Variants in DIP2A observed in about 807,000 individuals in gnomAD.
DIP2A encodes the protein disco-interacting protein 2 homolog A.
In DIP2A, 85 loss-of-function variants were observed where a neutral mutation model predicts 177.4. The ratio of observed to expected loss-of-function variants is 0.48; its 90% CI spans 0.40 to 0.57. The LOEUF (loss-of-function observed/expected upper bound fraction) is 0.57, where lower values mean the gene tolerates loss of function less well. DIP2A is among the 20% of genes least tolerant of loss of function. DIP2A has a pLI of 0.00. For synonymous variants in DIP2A, 886 were observed against 881.8 expected (o/e 1.00, Z -0.08); for missense variants, 1,791 against 2,100.2 (o/e 0.85, Z 2.88).
intron 1 of DIP2A, among the ~76,000 whole-genome samples, chr21:46,470,474 CA>C (rs57786498): frequency 6.5e-4 from 89 of 137,220 alleles, no homozygotes; most frequent in African/African-American, 1.1e-3. Context: ...AGCTCCGTCT[CA>C]AAAAAAAAAA....
intron 18 of DIP2A, among the ~76,000 whole-genome samples, chr21:46,543,550 G>GGCACTCCCCCAGGCATGCATGCA (rs141375551): frequency 3.3e-5 from 5 of 149,260 alleles, no homozygotes; most frequent in African/African-American, 1.2e-4. Flanking sequence ...CGCTCCCCCA[G>GGCACTCCCCCAGGCATGCATGCA]GCACTCCCCC....
intron 4 of DIP2A, 87 bp downstream of exon 4, chr21:46,497,194 T>C: frequency 6.7e-7 from 1 of 1,488,876 alleles, no homozygotes. Flanking sequence ...TGAGTTGGAA[T>C]ATCCGTCTGG....
In DIP2A at chr21:46,537,660, G is replaced by A. The variant is rs771601609; in HGVS notation, c.1801+121G>A. 203 of 967,512 alleles carry A rather than the reference G, an allele frequency of 2.1e-4. 1 individual carries two copies. In the Middle Eastern group the frequency reaches 5.3e-3, roughly 25 times the overall value. The allele number at this position is 967,512 out of a possible 1,614,324, so 59.9% of individuals were successfully genotyped here. On this transcript the variant is annotated intron_variant, in intron 15 of 37. Transcript: ENST00000417564. The surrounding 1 kb of genome is among the most constrained non-coding windows in gnomAD (Gnocchi z 4.1). ...AACTGCAGATGTAGGCTGAAGAGCTGTGGGACGTCTTTCTTGGTCACACCC... is the reference window on the plus strand; with the variant it reads ...AACTGCAGATGTAGGCTGAAGAGCTATGGGACGTCTTTCTTGGTCACACCC...
Position 46,557,258 on chromosome 21 carries a change from T to C in DIP2A, c.3629+189T>C, listed in dbSNP as rs893648435. ...GAGTGAAAATACATTTTTCATTAAATACACTGTCCGTTATCAGTACTTGGG... is the reference window on the plus strand; with the variant it reads ...GAGTGAAAATACATTTTTCATTAAACACACTGTCCGTTATCAGTACTTGGG... On this transcript the variant is annotated intron_variant, in intron 30 of 37. Transcript: ENST00000417564. The surrounding 1 kb of genome is among the most constrained non-coding windows in gnomAD (Gnocchi z 6.0). 3.0e-6 allele frequency: 2 copies of C among 675,402 alleles called. No homozygotes were observed. Among genetic ancestry groups the C allele is most frequent in the Non-Finnish European group, 4.9e-6 (2 of 409,544 alleles). The allele number at this position is 675,402 out of a possible 1,614,324, so 41.8% of individuals were successfully genotyped here. A position where few individuals can be genotyped will look rare whatever the true frequency, so the allele number is the denominator to read the frequency against.
intron 7 of DIP2A, 118 bp downstream of exon 7, chr21:46,509,494 A>G (rs2058200848): frequency 1.6e-6 from 2 of 1,258,430 alleles, no homozygotes; most frequent in South Asian, 4.3e-5. Context: ...CTGTTTCCAG[A>G]CTCAGTGGTC....
intron 5 of DIP2A, among the ~76,000 whole-genome samples, chr21:46,500,953 T>C (rs1752827936): frequency 6.6e-6 from 1 of 152,222 alleles, no homozygotes; most frequent in Non-Finnish European, 1.5e-5. Context: ...TGTGATCAAT[T>C]CTAATACATT....
At chr21:46,508,934 G>A (rs562569868) in intron 6 of DIP2A, among the ~76,000 whole-genome samples, 1 of 152,064 alleles carries the variant, frequency 6.6e-6, no homozygotes, top group East Asian at 2.0e-4. Flanking sequence ...CAAGAGAATC[G>A]CTTGAACCCA....
At chr21:46,461,219 G>C (rs909201325) in intron 1 of DIP2A, among the ~76,000 whole-genome samples, 1 of 133,498 alleles carries the variant, frequency 7.5e-6, no homozygotes, top group Admixed American at 8.5e-5. Flanking sequence ...GATCACCTGA[G>C]CACTGGAGCA....
At chr21:46,530,623 C>T (rs2059316162) in intron 9 of DIP2A, among the ~76,000 whole-genome samples, 2 of 152,140 alleles carry the variant, frequency 1.3e-5, no homozygotes, top group Non-Finnish European at 2.9e-5. Context: ...ATCAAGAAGA[C>T]ACAACACCTG....
chr21:46,502,200 G>A (rs1287719821), intron 5 of DIP2A, among the ~76,000 whole-genome samples: 3 of 151,994 alleles, frequency 2.0e-5, no homozygotes, highest in African/African-American at 7.3e-5. Context: ...CAGCGGTATG[G>A]TCCTAGCTCA....
downstream of DIP2A, among the ~76,000 whole-genome samples, chr21:46,570,747 A>G (rs760783137): frequency 3.9e-5 from 6 of 152,210 alleles, no homozygotes; most frequent in Non-Finnish European, 7.3e-5. Context: ...TTCCTGCCAC[A>G]GTGCTGGCCT....
intron 8 of DIP2A, among the ~76,000 whole-genome samples, chr21:46,523,995 G>A (rs1004703684): frequency 3.3e-5 from 5 of 152,214 alleles, no homozygotes; most frequent in African/African-American, 1.2e-4. Context: ...CAGCCATTGC[G>A]GCGACGCTGA....
At chr21:46,558,661 A>G (rs549391727) in intron 32 of DIP2A, 185 of 485,796 alleles carry the variant, frequency 3.8e-4, no homozygotes, top group African/African-American at 3.0e-3. Context: ...AGTTAGATAT[A>G]AAACACAGCT....
chr21:46,535,701 A>T (rs938650703), intron 13 of DIP2A, among the ~76,000 whole-genome samples: 1 of 152,354 alleles, frequency 6.6e-6, no homozygotes, highest in Admixed American at 6.5e-5. Context: ...GGGCTTTATT[A>T]AAAAAGTTAG....
intron 25 of DIP2A, 140 bp downstream of exon 25, chr21:46,552,044 GGTT>G (rs1207310322): frequency 1.6e-5 from 16 of 1,026,278 alleles, no homozygotes; most frequent in Non-Finnish European, 2.3e-5. Context: ...CCCCCGTCCT[GGTT>G]GTTCTCATGC....
At chr21:46,506,845 A>G (rs1353813130) in intron 6 of DIP2A, among the ~76,000 whole-genome samples, 6 of 124,836 alleles carry the variant, frequency 4.8e-5, no homozygotes, top group Admixed American at 1.0e-4. Flanking sequence ...ACTGTCACCC[A>G]GGCAGAGTGC....
chr21:46,554,502 C>A, intron 26 of DIP2A, 73 bp from the exon 27 acceptor site: 1 of 1,581,548 alleles, frequency 6.3e-7, no homozygotes, highest in Non-Finnish European at 8.6e-7. Flanking sequence ...TCCTCTCTCG[C>A]AGGAACAGTG....
chr21:46,576,454 T>G, the DIP2A span, among the ~76,000 whole-genome samples: 2 of 152,214 alleles, frequency 1.3e-5, no homozygotes, highest in African/African-American at 4.8e-5. Flanking sequence ...GAACACAATC[T>G]AATTCCTTTT....
rs1162872343 is a variant in DIP2A, at chr21:46,528,527, C to CTTTTTTTTTTTTTTTTTTT, written c.1103-542_1103-524dup. 2.0e-4 allele frequency among the ~76,000 whole-genome samples: 6 copies of CTTTTTTTTTTTTTTTTTTT among 29,406 alleles called. 1 individual carries two copies. Among genetic ancestry groups the CTTTTTTTTTTTTTTTTTTT allele is most frequent in the Non-Finnish European group, 2.8e-4 (5 of 17,976 alleles). The allele number at this position is 29,406 out of a possible 152,430, so 19.3% of individuals were successfully genotyped here. A position where few individuals can be genotyped will look rare whatever the true frequency, so the allele number is the denominator to read the frequency against. ...ACCAAATACTGACTTTTTCTGCTTG[C>CTTTTTTTTTTTTTTTTTTT]TTTTTTTTTTTTTTTTTTTTTTTTT... On this transcript the variant is annotated intron_variant, in intron 8 of 37. Transcript: ENST00000417564.
Sources: gnomAD v4.1 joint callset for allele counts (sites outside exome capture counted in the v4.1 genomes callset) on GRCh38, gnomAD v4.1.1 for gene constraint, Gnocchi (gnomAD v3.1) non-coding constraint, MANE v1.5 for transcripts, NCBI Gene and HGNC (gene_info 2026-07-23, HGNC 2026-07-21) for gene names.